The following PATJ variants were observed in gnomAD, a reference collection of about 807,000 sequenced individuals.
PATJ encodes PATJ crumbs cell polarity complex component.
A neutral mutation model predicts 224.9 loss-of-function variants in PATJ; 190 were observed. That is an observed-to-expected ratio of 0.84 (90% CI 0.75 to 0.95). The LOEUF (loss-of-function observed/expected upper bound fraction) is 0.95, where lower values mean the gene tolerates loss of function less well. Among genes scored for constraint, PATJ ranks in the 40% least tolerant of loss-of-function variants. The pLI is 0.00. For missense variants in PATJ, 2,121 were observed against 2,270.3 expected, an observed-to-expected ratio of 0.93 and a Z score of 1.34; for synonymous variants, 769 against 820.3, an observed-to-expected ratio of 0.94 and a Z score of 1.07.
At chr1:61,751,480 T>G (rs1214165505) in intron 1 of PATJ, among the ~76,000 whole-genome samples, 4 of 152,084 alleles carry the variant, frequency 2.6e-5, no homozygotes, top group Admixed American at 2.6e-4. Flanking sequence ...TTGCCCAGAT[T>G]TTTTTTGTCA....
chr1:62,020,375 G>A (rs1036823595), intron 29 of PATJ, among the ~76,000 whole-genome samples: 5 of 152,132 alleles, frequency 3.3e-5, no homozygotes, highest in African/African-American at 1.2e-4. Context: ...CATTTGTGGG[G>A]CTTTTATTAT....
At chr1:61,765,364 A>G (rs1646211996) in intron 3 of PATJ, among the ~76,000 whole-genome samples, 1 of 150,522 alleles carries the variant, frequency 6.6e-6, no homozygotes. Context: ...GGTGTGAGCC[A>G]TCACACCCGG....
At chr1:61,841,314 G>A (rs1192298088) in intron 17 of PATJ, among the ~76,000 whole-genome samples, 9 of 152,114 alleles carry the variant, frequency 5.9e-5, no homozygotes, top group Admixed American at 4.6e-4. Context: ...GCTAATATCA[G>A]TATATAGTTT....
At chr1:61,996,015 C>G (rs147515125) in intron 28 of PATJ, among the ~76,000 whole-genome samples, 1 of 152,148 alleles carries the variant, frequency 6.6e-6, no homozygotes, top group East Asian at 1.9e-4. Flanking sequence ...GTGTATTGAG[C>G]TGTGTTTTGT....
At chr1:62,080,274 A>T (rs1570491233) in intron 32 of PATJ, among the ~76,000 whole-genome samples, 1 of 152,168 alleles carries the variant, frequency 6.6e-6, no homozygotes, top group East Asian at 1.9e-4. Context: ...GGCTTGAATT[A>T]TGCTGACTGG....
intron 41 of PATJ, among the ~76,000 whole-genome samples, chr1:62,142,728 G>A (rs1012451215): frequency 6.6e-6 from 1 of 152,172 alleles, no homozygotes; most frequent in African/African-American, 2.4e-5. Context: ...GCTTGTAGAA[G>A]GGAAGTGACA....
intron 39 of PATJ, among the ~76,000 whole-genome samples, chr1:62,126,085 A>G (rs190601847): frequency 2.2e-3 from 334 of 152,252 alleles, no homozygotes; most frequent in Non-Finnish European, 3.9e-3. Context: ...AACTTCTGCT[A>G]TGCTGGTTTG....
At chr1:62,048,949 G>A (rs1653072666) in intron 30 of PATJ, among the ~76,000 whole-genome samples, 2 of 152,078 alleles carry the variant, frequency 1.3e-5, no homozygotes, top group Non-Finnish European at 2.9e-5. Flanking sequence ...ACATTTCCAA[G>A]CATTCTGGAT....
chr1:62,136,015 A>ATTTTTTTTTTTT (rs374594803), intron 41 of PATJ, among the ~76,000 whole-genome samples: 2 of 63,880 alleles, frequency 3.1e-5, no homozygotes, highest in Non-Finnish European at 5.5e-5. Flanking sequence ...AGACCATTAG[A>ATTTTTTTTTTTT]TTTTTTTTTT....
intron 28 of PATJ, among the ~76,000 whole-genome samples, chr1:62,006,727 G>T (rs1646116730): frequency 6.7e-6 from 1 of 149,048 alleles, no homozygotes; most frequent in African/African-American, 2.5e-5. Flanking sequence ...GTTGAAACCA[G>T]TCTATAAGGG....
intron 33 of PATJ, among the ~76,000 whole-genome samples, chr1:62,099,049 ATG>A (rs1661774249): frequency 1.3e-5 from 2 of 152,120 alleles, no homozygotes; most frequent in South Asian, 4.1e-4. Flanking sequence ...ATGCATAACC[ATG>A]TGTTTTTCAG....
At chr1:61,854,548 G>A (rs977992171) in intron 17 of PATJ, among the ~76,000 whole-genome samples, 3 of 152,164 alleles carry the variant, frequency 2.0e-5, no homozygotes, top group African/African-American at 7.2e-5. Flanking sequence ...TGCAGAGCAA[G>A]CTGCAGAGTG....
At chr1:61,828,717 C>A (rs907087779) in intron 16 of PATJ, among the ~76,000 whole-genome samples, 1 of 152,120 alleles carries the variant, frequency 6.6e-6, no homozygotes, top group African/African-American at 2.4e-5. Flanking sequence ...ACATACTTTG[C>A]CATCTTATGC....
At chr1:62,127,729 C>A (rs1468897962) in intron 39 of PATJ, among the ~76,000 whole-genome samples, 2 of 152,094 alleles carry the variant, frequency 1.3e-5, no homozygotes, top group Non-Finnish European at 2.9e-5. Context: ...ATCGCTTGAA[C>A]CTGGGAGGCG....
intron 13 of PATJ, among the ~76,000 whole-genome samples, chr1:61,808,240 G>A (rs911925518): frequency 2.0e-5 from 3 of 152,040 alleles, no homozygotes; most frequent in African/African-American, 4.8e-5. Context: ...ATCACCTTCT[G>A]TTCAATTTAT....
chr1:61,868,780 C>A (rs1665802421), intron 20 of PATJ, among the ~76,000 whole-genome samples: 1 of 151,812 alleles, frequency 6.6e-6, no homozygotes, highest in African/African-American at 2.4e-5. Flanking sequence ...CAGAGAGAGA[C>A]TCCGTCTCAA....
intron 27 of PATJ, among the ~76,000 whole-genome samples, chr1:61,943,927 A>G (rs534590478): frequency 9.2e-4 from 140 of 152,338 alleles, no homozygotes; most frequent in African/African-American, 3.3e-3. Context: ...GCCGTTCTGC[A>G]GCCTCTGCTG....
At position 61,827,523 on chromosome 1, in the gene PATJ, T is replaced by G. The variant is rs1658489133; in HGVS notation, c.1920T>G (p.Phe640Leu). The G allele has an allele frequency of 1.2e-6, 2 of 1,614,086 alleles. No individual in the cohort carries two copies. The highest frequency in any genetic ancestry group is 4.5e-5 in the East Asian group (2 of 44,864). The change falls in exon 16 of 44, where the codon TTT (phenylalanine) becomes TTG (leucine). Residue 640 changes from phenylalanine (F) to leucine (L), a missense_variant. Transcript: ENST00000642238. ...CTTTGGTTTGCTGTCGGAGGTTGTT[T>G]GATGATGAAGCTTCTGTAGATGAAC... ...PFTLVCCRRL[F>L]DDEASVDEPR...
At position 62,018,718 on chromosome 1, in the gene PATJ, C is replaced by G. The variant is rs1646913155; in HGVS notation, c.3959+771C>G. 6.6e-6 allele frequency among the ~76,000 whole-genome samples: 1 copy of G among 152,082 alleles called. No homozygotes were observed. ...ATCTCCCTCATTCATTGTGATATTT[C>G]AGAAATTGAAAATGCTCAATACAAC... On this transcript the variant is annotated intron_variant, in intron 29 of 43. Transcript: ENST00000642238. The surrounding 1 kb of genome is among the most constrained non-coding windows in gnomAD (Gnocchi z 4.2).
Sources: allele counts gnomAD v4.1 joint callset (sites outside exome capture counted in the v4.1 genomes callset), GRCh38; gene constraint gnomAD v4.1.1; non-coding constraint Gnocchi (gnomAD v3.1); transcripts MANE v1.5; gene names NCBI Gene and HGNC (gene_info 2026-07-23, HGNC 2026-07-21).